The following SLC52A3 variants were observed in gnomAD, a reference collection of about 807,000 sequenced individuals.
SLC52A3 encodes solute carrier family 52 member 3.
SLC52A3 carries 20 observed loss-of-function variants against 29.5 expected under a neutral mutation model. That is an observed-to-expected ratio of 0.68 (90% CI 0.48 to 0.99). The LOEUF (loss-of-function observed/expected upper bound fraction) is 0.99, where lower values mean the gene tolerates loss of function less well. Ranked by LOEUF, SLC52A3 falls within the 50% of genes least tolerant of loss-of-function variation. The pLI is 0.00. For missense variants in SLC52A3, 548 were observed against 612.9 expected, an observed-to-expected ratio of 0.89 and a Z score of 1.12; for synonymous variants, 301 against 271.0, an observed-to-expected ratio of 1.11 and a Z score of -1.09.
In SLC52A3 at chr20:762,110, G is replaced by C. The variant is rs146260016; in HGVS notation, c.1074-286C>G. Among the ~76,000 whole-genome samples, 613 of 152,298 alleles carry C rather than the reference G, an allele frequency of 4.0e-3. 2 individuals carry two copies. Among genetic ancestry groups the C allele is most frequent in the Middle Eastern group, 0.034 (10 of 294 alleles). On this transcript the variant is annotated intron_variant, in intron 3 of 4. Transcript: ENST00000645534. ...AAATCCCAGTTCTACTGTTTAAGCT[G>C]AGACTCGCCTCTGAGCCTCCAAATC...
intron 1 of SLC52A3, among the ~76,000 whole-genome samples, 189 bp downstream of exon 1, chr20:768,108 C>G (rs989576726): frequency 6.6e-6 from 1 of 152,196 alleles, no homozygotes; most frequent in Non-Finnish European, 1.5e-5. Context: ...TATAAGGATG[C>G]TGGTGAGTTT....
upstream of SLC52A3, among the ~76,000 whole-genome samples, chr20:769,974 CT>C (rs76783027): frequency 6.6e-5 from 10 of 152,296 alleles, no homozygotes; most frequent in East Asian, 1.9e-3. Context: ...ATTTCCCAGC[CT>C]TCTTTGTAGC....
At chr20:766,150 G>C (rs1486633620) in intron 1 of SLC52A3, 1 of 254,150 alleles carries the variant, frequency 3.9e-6, no homozygotes, top group East Asian at 9.7e-5. Context: ...GGTCAGGCTG[G>C]TCTCGAACTC....
Position 761,043 on chromosome 20 carries a change from G to T in SLC52A3, c.1393C>A (p.Leu465Met), listed in dbSNP as rs1192870065. ...CGGCCTGCCTAGGCTGGACAGTGCA[G>T]ATTGCAGAAGTCCGCGGACGAGAAG... Reference protein sequence around the residue: ...RLFSSADFCNLHCPA With the variant: ...RLFSSADFCNMHCPA Residue 465 changes from leucine to methionine, a missense_variant, in exon 5 of 5, where the codon CTG becomes ATG. Physicochemically the swap from Leu to Met is conservative, Grantham distance 15. Coordinates refer to ENST00000645534, the MANE Select transcript of SLC52A3 (RefSeq NM_033409.4). 1 of 1,608,086 alleles carries T rather than the reference G, an allele frequency of 6.2e-7. No individual in the cohort carries two copies. The highest frequency in any genetic ancestry group is 8.5e-7 in the Non-Finnish European group (1 of 1,178,024).
At chr20:779,691 C>T (rs977371218), upstream of SLC52A3, among the ~76,000 whole-genome samples, 1 of 152,206 alleles carries the variant, frequency 6.6e-6, no homozygotes, top group Non-Finnish European at 1.5e-5. Flanking sequence ...CTTAACTGTA[C>T]AACTTGCCTG....
Position 763,638 on chromosome 20 carries a change from G to A in SLC52A3, c.933C>T (p.Asn311=), listed in dbSNP as rs534678154. The change falls in exon 3 of 5, where the codon AAC becomes AAT. Residue 311 remains asparagine (N), a synonymous_variant. Transcript: ENST00000645534. ...AFIYTLVAFV[N]ALTNGMLPSV... is the part of the protein sequence containing the mutation. ...AGGGCAGCATGCCGTTGGTGAGCGC[G>A]TTGACGAAGGCCACCAGGGTATAGA... The A allele has an allele frequency of 7.9e-5, 127 of 1,614,198 alleles. 1 individual carries two copies. In the South Asian group the frequency reaches 9.6e-4, roughly 12 times the overall value.
chr20:761,381 C>T (rs1373155643), intron 4 of SLC52A3, 143 bp from the exon 5 acceptor site: 6 of 997,082 alleles, frequency 6.0e-6, no homozygotes, highest in African/African-American at 1.6e-5. Flanking sequence ...GCCTGCGGGG[C>T]CGACGGGTCC....
chr20:767,049 G>C (rs1986709769), intron 1 of SLC52A3, among the ~76,000 whole-genome samples: 1 of 152,008 alleles, frequency 6.6e-6, no homozygotes, highest in Non-Finnish European at 1.5e-5. Context: ...GCAAGTTATG[G>C]GAAATTTTCT....
chr20:767,359 C>CTTTTTTT (rs563042314), intron 1 of SLC52A3, among the ~76,000 whole-genome samples: 1 of 147,458 alleles, frequency 6.8e-6, no homozygotes. Flanking sequence ...CTCTGTATAT[C>CTTTTTTT]TTTTTTTTTT....
chr20:777,773 T>C (rs1987104303), upstream of SLC52A3, among the ~76,000 whole-genome samples: 2 of 152,108 alleles, frequency 1.3e-5, no homozygotes, highest in African/African-American at 4.8e-5. Flanking sequence ...GTTGCCACTG[T>C]TGGGGCTCAG....
At chr20:768,880 C>G (rs1165897128), upstream of SLC52A3, among the ~76,000 whole-genome samples, 1 of 152,188 alleles carries the variant, frequency 6.6e-6, no homozygotes, top group African/African-American at 2.4e-5. Flanking sequence ...GTGCTGTCCT[C>G]CCAGCCTGGA....
At chr20:779,000 A>T (rs575478178), upstream of SLC52A3, among the ~76,000 whole-genome samples, 3 of 152,180 alleles carry the variant, frequency 2.0e-5, no homozygotes, top group Admixed American at 2.0e-4. Context: ...TAATAATGAA[A>T]CATCAATATT....
intron 3 of SLC52A3, among the ~76,000 whole-genome samples, chr20:763,235 T>C (rs1033624695): frequency 6.6e-6 from 1 of 152,212 alleles, no homozygotes; most frequent in Non-Finnish European, 1.5e-5. Flanking sequence ...CTTTATAGAA[T>C]CAGCTCATAT....
At chr20:761,409 G>A in intron 4 of SLC52A3, 171 bp from the exon 5 acceptor site, 1 of 824,100 alleles carries the variant, frequency 1.2e-6, no homozygotes, top group Non-Finnish European at 1.9e-6. Flanking sequence ...TGGCCGCCCG[G>A]GGGCGAAGGA....
upstream of SLC52A3, among the ~76,000 whole-genome samples, chr20:779,468 A>G (rs949856276): frequency 6.6e-6 from 1 of 152,140 alleles, no homozygotes; most frequent in South Asian, 2.1e-4. Flanking sequence ...CTAAAAATAC[A>G]AAAAATTGGC....
intron 1 of SLC52A3, among the ~76,000 whole-genome samples, chr20:774,547 G>A (rs1018888573): frequency 5.3e-5 from 8 of 152,162 alleles, no homozygotes; most frequent in African/African-American, 1.4e-4. Context: ...AGAAAGAACC[G>A]AAAGCTAGAA....
chr20:766,126 G>T (rs912179098), intron 1 of SLC52A3: 2 of 293,430 alleles, frequency 6.8e-6, no homozygotes, highest in Non-Finnish European at 1.3e-5. Flanking sequence ...GTGGAAACAG[G>T]GTTTCCCCAC....
intron 1 of SLC52A3, among the ~76,000 whole-genome samples, chr20:766,941 A>G (rs1479713442): frequency 6.6e-6 from 1 of 152,224 alleles, no homozygotes; most frequent in East Asian, 1.9e-4. Flanking sequence ...CAATAGGAAA[A>G]CTACTCCAGG....
In SLC52A3 at chr20:765,632, A is replaced by C. The variant is rs1245961215; in HGVS notation, c.143T>G (p.Ile48Ser). 4 of 1,608,070 alleles carry C rather than the reference A, an allele frequency of 2.5e-6. No homozygotes were observed. The Admixed American group carries it at 6.8e-5, about 27-fold the overall frequency. ...GAGGGGCCCGATGTTGGCCAGCTGG[A>C]TGACCACCGTGAGGTAGGAGGGCAG... The part of the protein sequence containing the change: ...WYLPSYLTVV[I>S]QLANIGPLLV... The change falls in exon 2 of 5, where the codon ATC (isoleucine) becomes AGC (serine). Residue 48 changes from isoleucine to serine, a missense_variant. Ile to Ser is a moderately radical substitution (Grantham distance 142). Transcript: ENST00000645534. The surrounding 1 kb of genome is among the most constrained non-coding windows in gnomAD (Gnocchi z 6.6).
Sources: allele counts gnomAD v4.1 joint callset (sites outside exome capture counted in the v4.1 genomes callset), GRCh38; gene constraint gnomAD v4.1.1; non-coding constraint Gnocchi (gnomAD v3.1); transcripts MANE v1.5; gene names NCBI Gene and HGNC (gene_info 2026-07-23, HGNC 2026-07-21).